Variants in RC3H1 observed in about 807,000 individuals in gnomAD.
RC3H1 encodes roquin-1.
In RC3H1, 50 loss-of-function variants were observed where a neutral mutation model predicts 138.2. The observed-to-expected ratio is 0.36, with a 90% CI of 0.29 to 0.46. The LOEUF is 0.46. Among genes scored for constraint, RC3H1 ranks in the 20% least tolerant of loss-of-function variants. The pLI is 1.00. For synonymous variants in RC3H1, 462 were observed against 489.1 expected, an observed-to-expected ratio of 0.94 and a Z score of 0.73; for missense variants, 1,031 against 1,388.1, an observed-to-expected ratio of 0.74 and a Z score of 4.09.
At chr1:173,970,154 T>C (rs1047692579) in intron 9 of RC3H1, among the ~76,000 whole-genome samples, 1 of 152,198 alleles carries the variant, frequency 6.6e-6, no homozygotes, top group African/African-American at 2.4e-5. Flanking sequence ...GTCTTGGGGA[T>C]AAGACCCAAA....
At chr1:173,982,600 A>G (rs1660869842) in intron 5 of RC3H1, 127 bp downstream of exon 5, 2 of 749,448 alleles carry the variant, frequency 2.7e-6, no homozygotes, top group Admixed American at 2.9e-5. Context: ...CTTTAAAAGA[A>G]TAAAGAAAAA....
At chr1:174,014,024 CTG>C (rs972760346) in intron 1 of RC3H1, among the ~76,000 whole-genome samples, 1 of 152,112 alleles carries the variant, frequency 6.6e-6, no homozygotes, top group Non-Finnish European at 1.5e-5. Context: ...AAAACTATGA[CTG>C]TAAAAAGATC....
intron 7 of RC3H1, among the ~76,000 whole-genome samples, chr1:173,975,092 G>A (rs935640761): frequency 1.9e-4 from 29 of 152,100 alleles, no homozygotes; most frequent in Non-Finnish European, 3.5e-4. Context: ...TAGATGCTGA[G>A]AAAGCAGTTT....
chr1:174,013,534 T>G (rs12097809), intron 1 of RC3H1, among the ~76,000 whole-genome samples: 2 of 151,474 alleles, frequency 1.3e-5, no homozygotes, highest in Non-Finnish European at 3.0e-5. Context: ...CTCCGCCGCC[T>G]GGGTTCAAGC....
chr1:174,015,002 G>A (rs1338398291), intron 1 of RC3H1, among the ~76,000 whole-genome samples: 1 of 152,140 alleles, frequency 6.6e-6, no homozygotes, highest in African/African-American at 2.4e-5. Context: ...ATGAGGTGTT[G>A]TATAGGTAAC....
Position 173,942,428 on chromosome 1 carries a change from C to CAAAAAAAA in RC3H1, c.3135+1006_3135+1013dup, listed in dbSNP as rs60694243. Reference sequence around the variant, plus strand: ...ACCCTGGGTGACAGAGACTCAGTCTCAAAAAAAAAAAAAAAAAAAAAAGAA... The same window carrying CAAAAAAAA: ...ACCCTGGGTGACAGAGACTCAGTCTCAAAAAAAAAAAAAAAAAAAAAAAAAAAAAAGAA... On this transcript the variant is annotated intron_variant, in intron 18 of 19. Transcript: ENST00000367696. Among the ~76,000 whole-genome samples, 113 of 38,074 alleles carry CAAAAAAAA rather than the reference C, an allele frequency of 3.0e-3. 22 individuals carry two copies. Among genetic ancestry groups the CAAAAAAAA allele is most frequent in the African/African-American group, 0.016 (109 of 6,986 alleles). The allele number at this position is 38,074 out of a possible 152,430, so 25.0% of individuals were successfully genotyped here.
chr1:173,954,914 C>T (rs1310776108), intron 13 of RC3H1, among the ~76,000 whole-genome samples: 2 of 151,902 alleles, frequency 1.3e-5, no homozygotes, highest in South Asian at 2.1e-4. Flanking sequence ...AAATGATTTT[C>T]GATTTGAGGA....
chr1:173,997,445 C>T (rs1309143297), intron 1 of RC3H1, among the ~76,000 whole-genome samples: 1 of 152,016 alleles, frequency 6.6e-6, no homozygotes, highest in Non-Finnish European at 1.5e-5. Flanking sequence ...TTTAGATAGC[C>T]AAATATCAAA....
Position 173,933,436 on chromosome 1 carries a change from T to C in RC3H1, c.*5285A>G, listed in dbSNP as rs567211431. ...ATAGTCTTACTCTTTATTAACACTATAGCTAGTATTACTTATCAATTATAA... is the reference window on the plus strand; with the variant it reads ...ATAGTCTTACTCTTTATTAACACTACAGCTAGTATTACTTATCAATTATAA... On this transcript the variant is annotated 3_prime_UTR_variant, in exon 20 of 20. Coordinates refer to ENST00000367696, the MANE Select transcript of RC3H1 (RefSeq NM_172071.4). 1 of 152,238 alleles carries C rather than the reference T, an allele frequency of 6.6e-6. No individual in the cohort carries two copies. Among genetic ancestry groups the C allele is most frequent in the South Asian group, 2.1e-4 (1 of 4,830 alleles). The allele number at this position is 152,238 out of a possible 1,614,324, so 9.4% of individuals were successfully genotyped here.
intron 1 of RC3H1, among the ~76,000 whole-genome samples, chr1:174,018,025 C>T (rs61826823): frequency 0.29 from 43,858 of 151,642 alleles, 11,338 homozygotes; most frequent in African/African-American, 0.7. Flanking sequence ...CTGGGCAACA[C>T]AGCAAAATGC....
rs190942548 is a variant in RC3H1 at position 173,995,969 on chromosome 1, T to C, written c.-150-2834A>G. Among the ~76,000 whole-genome samples, 667 of 152,314 alleles carry C rather than the reference T, an allele frequency of 4.4e-3. 8 individuals carry two copies. The highest frequency in any genetic ancestry group is 0.015 in the African/African-American group (633 of 41,562). ...CCAGAAATCGATGCAATTGAAAAAA[T>C]TGGGCTGGGTGTGGCGGCTCACGCC... is the stretch of plus-strand genomic sequence containing the variant. On this transcript the variant is annotated intron_variant, in intron 1 of 19. Transcript: ENST00000367696.
Position 173,978,549 on chromosome 1 carries a change from T to C in RC3H1, c.1041A>G (p.Pro347=). 6.2e-7 allele frequency: 1 copy of C among 1,614,138 alleles called. No homozygotes were observed. Among genetic ancestry groups the C allele is most frequent in the East Asian group, 2.2e-5 (1 of 44,880 alleles). Residue 347 remains proline (P), a synonymous_variant, in exon 7 of 20, where the codon CCA becomes CCG. Transcript: ENST00000367696. ...GGGGTCTTAGTCGGTTCAAGTTTGC[T>C]GGGTCTCCAGTTCGCTGGAGAGCAA... is the stretch of plus-strand genomic sequence containing the variant. ...LTIALQRTGD[P]ANLNRLRPHL... is the part of the protein sequence containing the mutation.
At chr1:174,012,701 G>A (rs556679306) in intron 1 of RC3H1, among the ~76,000 whole-genome samples, 12 of 151,596 alleles carry the variant, frequency 7.9e-5, no homozygotes, top group Admixed American at 3.9e-4. Flanking sequence ...GGAGAATGGC[G>A]TGGACCCAGG....
chr1:173,941,056 G>A (rs945719124), intron 19 of RC3H1, among the ~76,000 whole-genome samples: 1 of 152,076 alleles, frequency 6.6e-6, no homozygotes, highest in African/African-American at 2.4e-5. Flanking sequence ...TCTTGACCTC[G>A]TGATCTGCCC....
At chr1:173,978,702 G>A in intron 6 of RC3H1, 82 bp from the exon 7 acceptor site, 1 of 1,407,696 alleles carries the variant, frequency 7.1e-7, no homozygotes, top group Non-Finnish European at 9.5e-7. Flanking sequence ...AATCATTTTT[G>A]CGATTTATTA....
intron 7 of RC3H1, 44 bp downstream of exon 7, chr1:173,978,444 G>A (rs537850566): frequency 2.1e-5 from 33 of 1,591,514 alleles, no homozygotes; most frequent in East Asian, 6.8e-5. Flanking sequence ...TGAGCAGCAC[G>A]AAAGGCACAT....
chr1:173,942,341 G>A (rs1411843328), intron 18 of RC3H1, among the ~76,000 whole-genome samples: 6 of 147,422 alleles, frequency 4.1e-5, no homozygotes, highest in African/African-American at 1.5e-4. Context: ...ACTGAGGCAG[G>A]AGAATCACTG....
chr1:174,011,163 G>A (rs1571242762), intron 1 of RC3H1, among the ~76,000 whole-genome samples: 1 of 151,858 alleles, frequency 6.6e-6, no homozygotes, highest in South Asian at 2.1e-4. Flanking sequence ...AGAGTCTTTT[G>A]TGCCCTCATG....
Position 173,961,928 on chromosome 1 carries a change from G to T in RC3H1, c.1999C>A (p.Pro667Thr), listed in dbSNP as rs764714580. The T allele has an allele frequency of 6.2e-7, 1 of 1,614,076 alleles. No individual in the cohort carries two copies. Among genetic ancestry groups the T allele is most frequent in the South Asian group, 1.1e-5 (1 of 91,084 alleles). ...ACTCGACGGCCATCATAGTGAGATG[G>T]GTATATAGGTGGGTACTGCTGTGGC... ...TQPQQYPPIY[P>T]SHYDGRRVYP... The change falls in exon 12 of 20, where the codon CCA becomes ACA. Residue 667 changes from proline (P) to threonine (T), a missense_variant. Transcript: ENST00000367696.
Sources: allele counts gnomAD v4.1 joint callset (sites outside exome capture counted in the v4.1 genomes callset), GRCh38; gene constraint gnomAD v4.1.1; transcripts MANE v1.5; gene names NCBI Gene and HGNC (gene_info 2026-07-23, HGNC 2026-07-21).